The following PDLIM4 variants were observed in gnomAD, a reference collection of about 807,000 sequenced individuals.
PDLIM4 encodes PDZ and LIM domain protein 4.
PDLIM4 carries 19 observed loss-of-function variants against 31.3 expected under a neutral mutation model. The ratio of observed to expected loss-of-function variants is 0.61; its 90% CI spans 0.42 to 0.89. The LOEUF (loss-of-function observed/expected upper bound fraction) is 0.89, where lower values mean the gene tolerates loss of function less well. PDLIM4 is among the 40% of genes least tolerant of loss of function. The probability of loss-of-function intolerance (pLI) is 0.00; values close to 1 mark genes in which losing one functional copy is unlikely to be tolerated. For synonymous variants in PDLIM4, 176 were observed against 190.1 expected (o/e 0.93, Z 0.61); for missense variants, 442 against 461.1 (o/e 0.96, Z 0.38).
chr5:132,268,827 C>T (rs544061231), intron 3 of PDLIM4, among the ~76,000 whole-genome samples: 1 of 152,168 alleles, frequency 6.6e-6, no homozygotes, highest in Non-Finnish European at 1.5e-5. Context: ...TACCCCCATC[C>T]TGCTGAAAAA....
intron 5 of PDLIM4, 101 bp from the exon 6 acceptor site, chr5:132,271,690 C>A: frequency 9.8e-7 from 1 of 1,016,594 alleles, no homozygotes; most frequent in Non-Finnish European, 1.6e-6. Context: ...GTTCCCCAGT[C>A]TCGGGTGCCG....
intron 3 of PDLIM4, among the ~76,000 whole-genome samples, chr5:132,266,982 G>T (rs975374731): frequency 6.6e-6 from 1 of 152,230 alleles, no homozygotes; most frequent in Non-Finnish European, 1.5e-5. Context: ...CAAGCCTGAA[G>T]TTCTCTCCTG....
In PDLIM4 at chr5:132,272,846, C is replaced by A. The variant is rs1756661320; in HGVS notation, c.*617C>A. Reference sequence around the variant, plus strand: ...CCAGGTTTTTCTGGCATTTTCTGTTCCAGGTTTCTTCCACCCACGAGCACT... The same window carrying A: ...CCAGGTTTTTCTGGCATTTTCTGTTACAGGTTTCTTCCACCCACGAGCACT... On this transcript the variant is annotated 3_prime_UTR_variant, in exon 7 of 7. Coordinates refer to ENST00000253754, the MANE Select transcript of PDLIM4 (RefSeq NM_003687.4). 1 of 154,350 alleles carries A rather than the reference C, an allele frequency of 6.5e-6. No individual in the cohort carries two copies. Among genetic ancestry groups the A allele is most frequent in the South Asian group, 2.0e-4 (1 of 5,010 alleles). The allele number at this position is 154,350 out of a possible 1,614,324, so 9.6% of individuals were successfully genotyped here. A position where few individuals can be genotyped will look rare whatever the true frequency, so the allele number is the denominator to read the frequency against.
intron 4 of PDLIM4, 54 bp downstream of exon 4, chr5:132,271,147 C>T: frequency 1.9e-6 from 3 of 1,558,762 alleles, no homozygotes; most frequent in Non-Finnish European, 2.6e-6. Context: ...AACCCTTGAT[C>T]CCTCAAATCT....
intron 1 of PDLIM4, among the ~76,000 whole-genome samples, chr5:132,259,796 A>G (rs1369661513): frequency 6.6e-6 from 1 of 152,146 alleles, no homozygotes; most frequent in East Asian, 1.9e-4. Context: ...ATCTCAGCCC[A>G]TGAAGCCTCC....
At chr5:132,268,361 G>T (rs1756536171) in intron 3 of PDLIM4, among the ~76,000 whole-genome samples, 1 of 152,168 alleles carries the variant, frequency 6.6e-6, no homozygotes, top group African/African-American at 2.4e-5. Flanking sequence ...TGGGGGTGTT[G>T]GGGAGGGGGT....
intron 3 of PDLIM4, chr5:132,266,881 A>T (rs1756503304): frequency 4.8e-6 from 1 of 209,688 alleles, no homozygotes; most frequent in South Asian, 1.4e-4. Flanking sequence ...GACCAGAAAG[A>T]AGTCACTGTG....
intron 1 of PDLIM4, among the ~76,000 whole-genome samples, chr5:132,258,060 GC>G (rs1756284924): frequency 6.6e-6 from 1 of 152,176 alleles, no homozygotes. Context: ...AAGAGTTCAC[GC>G]ACCCGCCTCC....
intron 3 of PDLIM4, chr5:132,270,637 C>T: frequency 1.9e-6 from 1 of 531,108 alleles, no homozygotes; most frequent in Non-Finnish European, 3.4e-6. Context: ...AGAACCACTG[C>T]AGGGCTCACA....
intron 1 of PDLIM4, chr5:132,261,306 G>A (rs1756368286): frequency 1.3e-5 from 2 of 152,332 alleles, no homozygotes; most frequent in African/African-American, 4.8e-5. Context: ...TCATGCTTCA[G>A]AAGAACGTTT....
intron 2 of PDLIM4, among the ~76,000 whole-genome samples, chr5:132,264,875 A>G: frequency 6.6e-6 from 1 of 151,060 alleles, no homozygotes; most frequent in East Asian, 1.9e-4. Flanking sequence ...CAGCTTCCCT[A>G]TCTGCCCTCT....
chr5:132,272,239 C>T lies in PDLIM4; in HGVS notation c.*10C>T. ...GGTGGAACTCGTCTGAGCTGGGACC[C>T]TGCTCCCACGCCTGCTTCTTAAGGT... On this transcript the variant is annotated 3_prime_UTR_variant, in exon 7 of 7. Transcript: ENST00000253754. 6.2e-7 allele frequency: 1 copy of T among 1,608,200 alleles called. No individual in the cohort carries two copies. Among genetic ancestry groups the T allele is most frequent in the Non-Finnish European group, 8.5e-7 (1 of 1,174,804 alleles).
chr5:132,265,725 C>A (rs1756477570), intron 2 of PDLIM4, among the ~76,000 whole-genome samples: 1 of 152,200 alleles, frequency 6.6e-6, no homozygotes, highest in Non-Finnish European at 1.5e-5. Flanking sequence ...CACCTCATAC[C>A]CACCTGCCAG....
rs147333973 is a variant in PDLIM4, at chr5:132,271,420, A to G, written c.624A>G (p.Ser208=). Residue 208 remains serine (S), a synonymous_variant, in exon 5 of 7, where the codon TCA becomes TCG. Coordinates refer to ENST00000253754, the MANE Select transcript of PDLIM4 (RefSeq NM_003687.4). ...CCGTGGCCGCGGAGCCCAAGCAGTC[A>G]GGCTCCTTCCGCTACTTGCAGGGCA... ...AEPVAAEPKQ[S]GSFRYLQGML... is the part of the protein sequence containing the mutation. The G allele has an allele frequency of 1.0e-4, 161 of 1,608,972 alleles. No homozygotes were observed. Among genetic ancestry groups the G allele is most frequent in the Middle Eastern group, 6.6e-4 (4 of 6,084 alleles).
Position 132,272,135 on chromosome 5 carries a change from T to C in PDLIM4, c.899T>C (p.Leu300Pro). The change falls in exon 7 of 7, where the codon CTC becomes CCC. Residue 300 changes from leucine (L) to proline (P), a missense_variant. Coordinates refer to ENST00000253754, the MANE Select transcript of PDLIM4 (RefSeq NM_003687.4). ...GGTTACTTCTTTCTGGACGAGCGGC[T>C]CTACTGTGAGAGCCACGCCAAGGCG... Reference protein sequence around the residue: ...QRGYFFLDERLYCESHAKARV... With the variant: ...QRGYFFLDERPYCESHAKARV... 1 of 1,614,228 alleles carries C rather than the reference T, an allele frequency of 6.2e-7. No individual in the cohort carries two copies. The highest frequency in any genetic ancestry group is 1.1e-5 in the South Asian group (1 of 91,092).
At chr5:132,258,480 G>A (rs867446001) in intron 1 of PDLIM4, among the ~76,000 whole-genome samples, 2 of 152,214 alleles carry the variant, frequency 1.3e-5, no homozygotes, top group Non-Finnish European at 2.9e-5. Context: ...CCTCAGGCCC[G>A]TTCCTCAAGT....
chr5:132,272,537 T>TA lies in PDLIM4; in HGVS notation c.*308_*309insA. 2.2e-6 allele frequency: 1 copy of TA among 448,462 alleles called. No homozygotes were observed. Among genetic ancestry groups the TA allele is most frequent in the Non-Finnish European group, 4.2e-6 (1 of 240,342 alleles). The allele number at this position is 448,462 out of a possible 1,614,324, so 27.8% of individuals were successfully genotyped here. On this transcript the variant is annotated 3_prime_UTR_variant, in exon 7 of 7. Coordinates refer to ENST00000253754, the MANE Select transcript of PDLIM4 (RefSeq NM_003687.4). ...CAGCTCTAGTAATACGAAGGTGAGG[T>TA]CTGGGATGCTGCGTGCGGCGCGACG... is the stretch of plus-strand genomic sequence containing the variant.
Position 132,266,465 on chromosome 5 carries a change from C to A in PDLIM4, c.247C>A (p.Pro83Thr). The change falls in exon 3 of 7, where the codon CCT (proline) becomes ACT (threonine). Residue 83 changes from proline to threonine, a missense_variant and splice_region_variant. By Grantham distance (38) the Pro-to-Thr change is conservative. Coordinates refer to ENST00000253754, the MANE Select transcript of PDLIM4 (RefSeq NM_003687.4). ...HDHLTLSVSRPEGRSWPSAPD... is the reference protein window; with the variant it reads ...HDHLTLSVSRTEGRSWPSAPD... ...TGACCATCACAATTTCTGCCACAGGCCTGAGGGTAGGAGCTGGCCCAGTGC... is the reference window on the plus strand; with the variant it reads ...TGACCATCACAATTTCTGCCACAGGACTGAGGGTAGGAGCTGGCCCAGTGC... The A allele has an allele frequency of 6.2e-7, 1 of 1,607,668 alleles. No individual in the cohort carries two copies. Among genetic ancestry groups the A allele is most frequent in the Non-Finnish European group, 8.5e-7 (1 of 1,174,282 alleles).
At chr5:132,259,253 C>T (rs1756319645) in intron 1 of PDLIM4, among the ~76,000 whole-genome samples, 1 of 151,986 alleles carries the variant, frequency 6.6e-6, no homozygotes, top group Non-Finnish European at 1.5e-5. Flanking sequence ...TGGCCAGGCA[C>T]CCTGGGCGTG....
Sources: allele counts gnomAD v4.1 joint callset (sites outside exome capture counted in the v4.1 genomes callset), GRCh38; gene constraint gnomAD v4.1.1; transcripts MANE v1.5; gene names NCBI Gene and HGNC (gene_info 2026-07-23, HGNC 2026-07-21).